ERBIN: variants seen among roughly 807,000 people sequenced by gnomAD.
ERBIN encodes the protein densin-180-like protein.
In ERBIN, 60 loss-of-function variants were observed where a neutral mutation model predicts 158.4. The ratio of observed to expected loss-of-function variants is 0.38; its 90% CI spans 0.31 to 0.47. ERBIN has a LOEUF of 0.47. Among genes scored for constraint, ERBIN ranks in the 20% least tolerant of loss-of-function variants. The pLI is 0.99. For synonymous variants in ERBIN, 594 were observed against 557.2 expected (o/e 1.07, Z -0.93); for missense variants, 1,610 against 1,648.0 (o/e 0.98, Z 0.40).
intron 1 of ERBIN, among the ~76,000 whole-genome samples, chr5:65,963,978 T>A (rs1443574328): frequency 6.6e-6 from 1 of 152,054 alleles, no homozygotes; most frequent in Non-Finnish European, 1.5e-5. Flanking sequence ...TTTTTGTATT[T>A]TTAGTAGAGA....
At chr5:66,065,928 T>G (rs748914177) in intron 21 of ERBIN, among the ~76,000 whole-genome samples, 20 of 152,224 alleles carry the variant, frequency 1.3e-4, no homozygotes, top group Admixed American at 3.9e-4. Flanking sequence ...TTAATGTGAT[T>G]CTACCACCAG....
intron 22 of ERBIN, among the ~76,000 whole-genome samples, chr5:66,072,832 T>C (rs559811848): frequency 1.3e-5 from 2 of 152,292 alleles, no homozygotes; most frequent in East Asian, 3.9e-4. Flanking sequence ...CTATTTTTTC[T>C]TATTTTCTTA....
intron 23 of ERBIN, among the ~76,000 whole-genome samples, chr5:66,075,448 T>G (rs952260103): frequency 1.3e-5 from 2 of 152,206 alleles, no homozygotes; most frequent in Admixed American, 1.3e-4. Flanking sequence ...ATGATTTATT[T>G]ATTCTGATAC....
chr5:66,055,122 A>C, intron 21 of ERBIN, 171 bp downstream of exon 21: 1 of 1,386,658 alleles, frequency 7.2e-7, no homozygotes, highest in Non-Finnish European at 9.3e-7. Context: ...AATTGGGATG[A>C]TAATGTGTGT....
intron 4 of ERBIN, among the ~76,000 whole-genome samples, chr5:66,003,053 T>C (rs559208438): frequency 6.6e-6 from 1 of 152,264 alleles, no homozygotes; most frequent in Non-Finnish European, 1.5e-5. Context: ...TGTTGTGTTA[T>C]ATCTGGTCCA....
intron 8 of ERBIN, among the ~76,000 whole-genome samples, chr5:66,022,054 G>C (rs28429005): frequency 1.6e-3 from 242 of 151,818 alleles, no homozygotes; most frequent in African/African-American, 5.6e-3. Context: ...TTGTTTAAAA[G>C]TGTGGTAGCT....
chr5:66,048,227 G>A (rs1194461010), intron 18 of ERBIN, among the ~76,000 whole-genome samples: 2 of 151,866 alleles, frequency 1.3e-5, no homozygotes, highest in Non-Finnish European at 1.5e-5. Flanking sequence ...AATAAGATCA[G>A]TAGAGTAGAC....
chr5:66,039,110 C>CT (rs776852625), intron 15 of ERBIN, among the ~76,000 whole-genome samples: 47 of 151,948 alleles, frequency 3.1e-4, no homozygotes, highest in Non-Finnish European at 5.8e-4. Flanking sequence ...GTGAAAATCT[C>CT]TGTGGTTTGA....
Position 66,045,689 on chromosome 5 carries a change from A to G in ERBIN, c.1603-664A>G, listed in dbSNP as rs148217784. ...ATAATCAGTGAAGTCCATAATTACT[A>G]TCATTACCACTCTGGCTATAGAATG... On this transcript the variant is annotated intron_variant, in intron 17 of 25. Transcript: ENST00000284037. Among the ~76,000 whole-genome samples, 1,137 of 152,320 alleles carry G rather than the reference A, an allele frequency of 7.5e-3. 20 individuals carry two copies. The highest frequency in any genetic ancestry group is 0.026 in the African/African-American group (1,081 of 41,568).
rs1447758738 is a variant in ERBIN at position 65,986,134 on chromosome 5, A to G, written c.-57-2501A>G. 3.9e-5 allele frequency among the ~76,000 whole-genome samples: 6 copies of G among 152,124 alleles called. No homozygotes were observed. In the East Asian group the frequency reaches 1.2e-3, roughly 29 times the overall value. On this transcript the variant is annotated intron_variant, in intron 1 of 25. Coordinates refer to ENST00000284037, the MANE Select transcript of ERBIN (RefSeq NM_001253697.2). ...CTCATCTTATTTCATTGCTTTAAAT[A>G]CCATCTATAAGCAGATGACTTTCAG...
Position 66,025,878 on chromosome 5 carries a change from T to G in ERBIN, c.921T>G (p.Ser307Arg). The change falls in exon 12 of 26, where the codon AGT becomes AGG. Residue 307 changes from serine (S) to arginine (R), a missense_variant. Coordinates refer to ENST00000284037, the MANE Select transcript of ERBIN (RefSeq NM_001253697.2). ...GLISVEELDC[S>R]FNEVEALPSS... is the part of the protein sequence containing the mutation. ...TATCAGTAGAAGAACTGGATTGTAGTTTCAATGAAGTTGAAGCTTTGCCTT... is the reference window on the plus strand; with the variant it reads ...TATCAGTAGAAGAACTGGATTGTAGGTTCAATGAAGTTGAAGCTTTGCCTT... The G allele has an allele frequency of 6.4e-7, 1 of 1,563,464 alleles. No homozygotes were observed. Among genetic ancestry groups the G allele is most frequent in the Non-Finnish European group, 8.7e-7 (1 of 1,150,246 alleles).
chr5:65,995,941 G>T (rs1378278796), intron 4 of ERBIN, among the ~76,000 whole-genome samples: 1 of 152,100 alleles, frequency 6.6e-6, no homozygotes, highest in East Asian at 1.9e-4. Context: ...GTCATTTGCT[G>T]ATTTTTATGT....
intron 10 of ERBIN, 70 bp from the exon 11 acceptor site, chr5:66,025,410 C>A: frequency 8.8e-7 from 1 of 1,141,228 alleles, no homozygotes; most frequent in South Asian, 1.2e-5. Flanking sequence ...TAGTATGTCT[C>A]ACACTGACTG....
chr5:65,990,730 G>A (rs1050140775), intron 2 of ERBIN, among the ~76,000 whole-genome samples: 1 of 151,980 alleles, frequency 6.6e-6, no homozygotes, highest in Admixed American at 6.5e-5. Flanking sequence ...ACAGTGCCTG[G>A]TATAGAGTGA....
rs1194171945 is a variant in ERBIN, at chr5:66,072,272, C to T, written c.3737C>T (p.Pro1246Leu). ...GCCACACTTAGTCACAAAGATGTTC[C>T]TCCAGACAGCTTGATGAAAGTGGGT... ...SSATLSHKDV[P>L]PDSLMKMPLS... is the part of the protein sequence containing the mutation. The change falls in exon 22 of 26, where the codon CCT (proline) becomes CTT (leucine). Residue 1246 changes from proline to leucine, a missense_variant. Pro to Leu is a moderately conservative substitution (Grantham distance 98). This residue lies in a region of ERBIN where 1,014 missense variants were observed against 936.1 expected (regional missense o/e 1.08). Transcript: ENST00000284037. 1.3e-6 allele frequency: 2 copies of T among 1,550,162 alleles called. No individual in the cohort carries two copies. Among genetic ancestry groups the T allele is most frequent in the East Asian group, 4.9e-5 (2 of 40,840 alleles).
At chr5:65,941,754 T>G (rs1745075231) in intron 1 of ERBIN, among the ~76,000 whole-genome samples, 1 of 152,130 alleles carries the variant, frequency 6.6e-6, no homozygotes, top group Admixed American at 6.5e-5. Context: ...TAGTATTTTT[T>G]TTTTGAGACG....
At position 66,078,656 on chromosome 5, in the gene ERBIN, A is replaced by T; in HGVS notation, c.*126A>T. ...CAAAAAATTATGTTCAAATTTGTAC[A>T]TTAATGAAATAATGGAACTTGTGGT... On this transcript the variant is annotated 3_prime_UTR_variant, in exon 26 of 26. Coordinates refer to ENST00000284037, the MANE Select transcript of ERBIN (RefSeq NM_001253697.2). 1.5e-6 allele frequency: 1 copy of T among 654,388 alleles called. No homozygotes were observed. Among genetic ancestry groups the T allele is most frequent in the Non-Finnish European group, 2.7e-6 (1 of 372,688 alleles). 40.5% of individuals were successfully genotyped at this position (654,388 alleles called of 1,614,324 possible). A position where few individuals can be genotyped will look rare whatever the true frequency, so the allele number is the denominator to read the frequency against.
intron 3 of ERBIN, among the ~76,000 whole-genome samples, chr5:65,994,386 A>G (rs2151053747): frequency 6.6e-6 from 1 of 152,304 alleles, no homozygotes; most frequent in African/African-American, 2.4e-5. Context: ...ACATTTTTAG[A>G]AGAATACTCT....
chr5:65,933,707 A>T lies in ERBIN; in HGVS notation c.-58+6901A>T, dbSNP rs189976130. Reference sequence around the variant, plus strand: ...TTTGTTATTTCCCCGACCCCAGCCTACTTTGTATTCTTTATAAATTCCGTT... The same window carrying T: ...TTTGTTATTTCCCCGACCCCAGCCTTCTTTGTATTCTTTATAAATTCCGTT... On this transcript the variant is annotated intron_variant, in intron 1 of 25. Coordinates refer to ENST00000284037, the MANE Select transcript of ERBIN (RefSeq NM_001253697.2). Among the ~76,000 whole-genome samples the T allele has an allele frequency of 2.7e-3, 406 of 152,078 alleles. 2 individuals carry two copies. Among genetic ancestry groups the T allele is most frequent in the African/African-American group, 9.7e-3 (401 of 41,496 alleles).
Sources: allele counts gnomAD v4.1 joint callset (sites outside exome capture counted in the v4.1 genomes callset), GRCh38; gene constraint gnomAD v4.1.1; regional missense constraint gnomAD v4.1.1; transcripts MANE v1.5; gene names NCBI Gene and HGNC (gene_info 2026-07-23, HGNC 2026-07-21).